Variants in ROBO1 observed in about 807,000 individuals in gnomAD.
The protein encoded by ROBO1 is roundabout homolog 1.
In ROBO1, 149 loss-of-function variants were observed where a neutral mutation model predicts 195.9. The ratio of observed to expected loss-of-function variants is 0.76; its 90% CI spans 0.67 to 0.87. The LOEUF (loss-of-function observed/expected upper bound fraction) is 0.87, where lower values mean the gene tolerates loss of function less well. Ranked by LOEUF, ROBO1 falls within the 40% of genes least tolerant of loss-of-function variation. The pLI is 0.00. For synonymous variants in ROBO1, 816 were observed against 733.2 expected (o/e 1.11, Z -1.82); for missense variants, 1,933 against 2,068.3 (o/e 0.93, Z 1.27).
chr3:79,043,441 A>G (rs1475368515), intron 3 of ROBO1, among the ~76,000 whole-genome samples: 1 of 152,094 alleles, frequency 6.6e-6, no homozygotes, highest in Non-Finnish European at 1.5e-5. Flanking sequence ...TGGAAAGCCA[A>G]CGAGGTCACT....
At position 78,924,166 on chromosome 3, in the gene ROBO1, G is replaced by A. The variant is rs137982003; in HGVS notation, c.499+14435C>T. Reference sequence around the variant, plus strand: ...TGAATAATAAAAAAGTGAATAATTAGGAAGACATTTATACCAAGCTATCTA... The same window carrying A: ...TGAATAATAAAAAAGTGAATAATTAAGAAGACATTTATACCAAGCTATCTA... On this transcript the variant is annotated intron_variant, in intron 4 of 30. Coordinates refer to ENST00000464233, the MANE Select transcript of ROBO1 (RefSeq NM_002941.4). Among the ~76,000 whole-genome samples the A allele has an allele frequency of 3.9e-3, 600 of 152,016 alleles. 14 individuals are homozygous for A. The highest frequency in any genetic ancestry group is 0.012 in the African/African-American group (517 of 41,488).
chr3:78,755,310 A>C (rs1446486534), intron 4 of ROBO1, among the ~76,000 whole-genome samples: 3 of 152,062 alleles, frequency 2.0e-5, no homozygotes, highest in Admixed American at 2.0e-4. Context: ...TCTACAAAAA[A>C]CAAAATGTAC....
chr3:79,446,652 A>C (rs1403936187), intron 2 of ROBO1, among the ~76,000 whole-genome samples: 2 of 152,190 alleles, frequency 1.3e-5, no homozygotes, highest in Non-Finnish European at 2.9e-5. Context: ...ATATTATTAC[A>C]ATATACCTCA....
intron 2 of ROBO1, among the ~76,000 whole-genome samples, chr3:79,216,227 T>G (rs992577703): frequency 2.0e-5 from 3 of 152,130 alleles, no homozygotes; most frequent in Admixed American, 6.6e-5. Context: ...GATAGTTATT[T>G]AGAAAGCTAA....
intron 1 of ROBO1, among the ~76,000 whole-genome samples, chr3:79,696,657 A>T (rs999941587): frequency 2.0e-5 from 3 of 151,382 alleles, no homozygotes; most frequent in African/African-American, 7.3e-5. Flanking sequence ...CTGATCTCTA[A>T]AAAAGGAGGC....
intron 2 of ROBO1, among the ~76,000 whole-genome samples, chr3:79,236,981 C>T (rs949504130): frequency 2.6e-5 from 4 of 152,022 alleles, no homozygotes; most frequent in African/African-American, 9.7e-5. Flanking sequence ...CATGGCTTAA[C>T]TTGATTATTA....
At chr3:79,283,798 C>G (rs969230452) in intron 2 of ROBO1, among the ~76,000 whole-genome samples, 5 of 151,100 alleles carry the variant, frequency 3.3e-5, no homozygotes, top group African/African-American at 1.2e-4. Context: ...CCCGGGTTCA[C>G]GCCATTCTCC....
chr3:78,698,195 A>C (rs2081343987), intron 8 of ROBO1, among the ~76,000 whole-genome samples: 1 of 152,198 alleles, frequency 6.6e-6, no homozygotes, highest in South Asian at 2.1e-4. Context: ...TTTTTATTCA[A>C]ATACAAGAGC....
intron 2 of ROBO1, among the ~76,000 whole-genome samples, chr3:79,481,801 A>G (rs532925445): frequency 4.6e-5 from 7 of 152,320 alleles, no homozygotes; most frequent in Admixed American, 1.3e-4. Flanking sequence ...TATTATTTCT[A>G]TCAAACTTAA....
chr3:78,881,914 T>C (rs1428511620), intron 4 of ROBO1, among the ~76,000 whole-genome samples: 2 of 152,160 alleles, frequency 1.3e-5, no homozygotes, highest in African/African-American at 4.8e-5. Context: ...AAAAAATACA[T>C]AGAGGTTATG....
intron 1 of ROBO1, among the ~76,000 whole-genome samples, chr3:79,699,943 A>G (rs1947564591): frequency 6.6e-6 from 1 of 151,670 alleles, no homozygotes; most frequent in South Asian, 2.1e-4. Flanking sequence ...TCACCCAGGT[A>G]CTGAGCATAG....
intron 3 of ROBO1, among the ~76,000 whole-genome samples, chr3:79,111,588 A>T (rs560177715): frequency 1.3e-5 from 2 of 152,200 alleles, no homozygotes; most frequent in Admixed American, 1.3e-4. Context: ...ATTTCCCAAC[A>T]CGTCACAGCT....
At chr3:79,560,978 T>C (rs965743209) in intron 2 of ROBO1, among the ~76,000 whole-genome samples, 7 of 152,256 alleles carry the variant, frequency 4.6e-5, no homozygotes, top group East Asian at 1.9e-4. Flanking sequence ...CTGTTTTTTT[T>C]CCCAACCGAT....
intron 3 of ROBO1, among the ~76,000 whole-genome samples, chr3:79,030,575 C>T (rs540160796): frequency 6.6e-6 from 1 of 152,080 alleles, no homozygotes; most frequent in South Asian, 2.1e-4. Context: ...TGGGAGAGTA[C>T]TGTAAATATT....
chr3:79,451,171 T>C (rs532683293), intron 2 of ROBO1, among the ~76,000 whole-genome samples: 8 of 152,200 alleles, frequency 5.3e-5, no homozygotes, highest in African/African-American at 1.4e-4. Flanking sequence ...AAAGTCAATA[T>C]AGAATTTTCA....
intron 3 of ROBO1, among the ~76,000 whole-genome samples, chr3:79,001,820 T>A (rs989028991): frequency 6.6e-6 from 1 of 152,164 alleles, no homozygotes; most frequent in African/African-American, 2.4e-5. Flanking sequence ...AGCTCTTTAC[T>A]ATTACATTTA....
chr3:78,941,557 G>C (rs1253733475), intron 3 of ROBO1, among the ~76,000 whole-genome samples: 1 of 152,094 alleles, frequency 6.6e-6, no homozygotes. Context: ...GGATATATAG[G>C]CTGTTATGAG....
In ROBO1 at chr3:79,254,138, G is replaced by T. The variant is rs570445595; in HGVS notation, c.89-128599C>A. On this transcript the variant is annotated intron_variant, in intron 2 of 30. Transcript: ENST00000464233. ...TGTTCAAAACAGCTATCTCTGCAAT[G>T]AATATAAAATGGATTATTCTTGAAA... Among the ~76,000 whole-genome samples the T allele has an allele frequency of 1.4e-4, 21 of 152,180 alleles. 1 individual carries two copies. In the East Asian group the frequency reaches 4.1e-3, roughly 29 times the overall value.
intron 3 of ROBO1, among the ~76,000 whole-genome samples, chr3:78,955,459 T>C (rs570631659): frequency 6.6e-5 from 10 of 152,256 alleles, no homozygotes; most frequent in African/African-American, 2.2e-4. Context: ...TATCAAAGTA[T>C]GTAAAAACAA....
Sources: allele counts gnomAD v4.1 joint callset (sites outside exome capture counted in the v4.1 genomes callset), GRCh38; gene constraint gnomAD v4.1.1; transcripts MANE v1.5; gene names NCBI Gene and HGNC (gene_info 2026-07-23, HGNC 2026-07-21).